Variants in GABRG3 observed in about 807,000 individuals in gnomAD.
GABRG3 encodes gamma-aminobutyric acid type A receptor subunit gamma3.
In GABRG3, 25 loss-of-function variants were observed where a neutral mutation model predicts 48.8. The observed-to-expected ratio is 0.51, with a 90% CI of 0.37 to 0.72. The LOEUF is 0.72. GABRG3 is among the 30% of genes least tolerant of loss of function. The pLI is 0.00. For synonymous variants in GABRG3, 227 were observed against 217.6 expected (o/e 1.04, Z -0.38); for missense variants, 394 against 577.9 (o/e 0.68, Z 3.26).
At chr15:27,519,432 G>T (rs377440525) in intron 6 of GABRG3, among the ~76,000 whole-genome samples, 69 of 152,014 alleles carry the variant, frequency 4.5e-4, no homozygotes, top group African/African-American at 1.6e-3. Flanking sequence ...TTAAGTCCTG[G>T]GTTACAAAAG....
At chr15:27,185,706 G>T (rs554144266) in intron 3 of GABRG3, among the ~76,000 whole-genome samples, 2 of 151,948 alleles carry the variant, frequency 1.3e-5, no homozygotes, top group Non-Finnish European at 2.9e-5. Context: ...CATGTATTTT[G>T]ATGCTTTTGT....
chr15:27,058,072 T>C (rs11852692), intron 3 of GABRG3, among the ~76,000 whole-genome samples: 24,418 of 152,138 alleles, frequency 0.16, 3,004 homozygotes, highest in African/African-American at 0.34. Flanking sequence ...GGTTGGGTGG[T>C]GAGGCTGCAT....
intron 3 of GABRG3, among the ~76,000 whole-genome samples, chr15:27,054,657 C>T (rs1174317395): frequency 6.6e-6 from 1 of 152,150 alleles, no homozygotes; most frequent in African/African-American, 2.4e-5. Flanking sequence ...AGCTGCAGAT[C>T]CGTCAGATGG....
chr15:27,018,303 A>T (rs1895815703), intron 2 of GABRG3, among the ~76,000 whole-genome samples: 2 of 152,166 alleles, frequency 1.3e-5, no homozygotes, highest in South Asian at 4.1e-4. Context: ...GGAAATTTAG[A>T]TCTGAGCTTT....
intron 3 of GABRG3, among the ~76,000 whole-genome samples, chr15:27,279,764 A>C (rs139283850): frequency 2.8e-4 from 43 of 152,270 alleles, no homozygotes; most frequent in African/African-American, 9.9e-4. Flanking sequence ...TTGCCTTTCT[A>C]TATAAATTTA....
chr15:27,386,188 GCA>G (rs765698415), intron 5 of GABRG3, among the ~76,000 whole-genome samples: 4 of 152,208 alleles, frequency 2.6e-5, no homozygotes, highest in South Asian at 4.2e-4. Context: ...CAGTGGATCA[GCA>G]CACTTTACTG....
chr15:26,999,401 A>ATACTTTTTTT (rs1320997476), intron 2 of GABRG3, among the ~76,000 whole-genome samples: 8 of 152,194 alleles, frequency 5.3e-5, no homozygotes, highest in Non-Finnish European at 1.2e-4. Context: ...AAGGATGGTT[A>ATACTTTTTTT]TACTTTAAGG....
intron 3 of GABRG3, among the ~76,000 whole-genome samples, chr15:27,322,736 T>C (rs1893473913): frequency 6.6e-6 from 1 of 152,162 alleles, no homozygotes; most frequent in Non-Finnish European, 1.5e-5. Flanking sequence ...GCCCTGGGGT[T>C]CTTCTACACG....
At chr15:27,351,099 G>T (rs1318732987) in intron 5 of GABRG3, among the ~76,000 whole-genome samples, 4 of 149,972 alleles carry the variant, frequency 2.7e-5, no homozygotes, top group African/African-American at 9.8e-5. Flanking sequence ...TGTGTATGGT[G>T]TGTGTGTATG....
intron 6 of GABRG3, among the ~76,000 whole-genome samples, chr15:27,515,364 G>T (rs1305052509): frequency 6.6e-6 from 1 of 152,092 alleles, no homozygotes; most frequent in African/African-American, 2.4e-5. Flanking sequence ...AAATTGCTGG[G>T]ATTACAGGTT....
intron 6 of GABRG3, among the ~76,000 whole-genome samples, chr15:27,508,632 TCCTTTCCATTTC>T (rs1890818313): frequency 6.6e-6 from 1 of 152,194 alleles, no homozygotes; most frequent in Non-Finnish European, 1.5e-5. Flanking sequence ...CTGAAGAACT[TCCTTTCCATTTC>T]TCGTTGATTA....
intron 3 of GABRG3, among the ~76,000 whole-genome samples, chr15:27,066,864 T>C (rs1896746224): frequency 6.6e-6 from 1 of 152,220 alleles, no homozygotes; most frequent in African/African-American, 2.4e-5. Context: ...GAATATCACA[T>C]AGATACACTG....
intron 4 of GABRG3, among the ~76,000 whole-genome samples, chr15:27,327,702 T>C (rs1204069796): frequency 6.6e-6 from 1 of 152,112 alleles, no homozygotes; most frequent in Admixed American, 6.5e-5. Context: ...CGGGTGGTGC[T>C]GCTCCAGAGG....
At chr15:27,143,734 T>C (rs1014059856) in intron 3 of GABRG3, among the ~76,000 whole-genome samples, 3 of 152,180 alleles carry the variant, frequency 2.0e-5, no homozygotes, top group Non-Finnish European at 4.4e-5. Flanking sequence ...TAAAATGTTA[T>C]ATGATTCACT....
At chr15:27,081,590 C>T (rs1239472326) in intron 3 of GABRG3, among the ~76,000 whole-genome samples, 1 of 152,130 alleles carries the variant, frequency 6.6e-6, no homozygotes, top group African/African-American at 2.4e-5. Context: ...GAGGCTGGCC[C>T]CAAATGGATG....
chr15:27,032,362 T>C (rs576869694), intron 3 of GABRG3, among the ~76,000 whole-genome samples: 2 of 152,310 alleles, frequency 1.3e-5, no homozygotes, highest in South Asian at 2.1e-4. Flanking sequence ...TTCTATTACT[T>C]GGTATGCCTG....
rs184619490 is a variant in GABRG3 at position 27,052,135 on chromosome 15, G to A, written c.270+25314G>A. Among the ~76,000 whole-genome samples, 17 of 152,314 alleles carry A rather than the reference G, an allele frequency of 1.1e-4. No homozygotes were observed. The East Asian group carries it at 1.4e-3, about 12-fold the overall frequency. ...ACTGATACCCGGCCACAGATCGGGC[G>A]TTGGGGCCCCCTGATCTAAGAGGAA... On this transcript the variant is annotated intron_variant, in intron 3 of 9. Transcript: ENST00000615808.
chr15:27,034,189 C>T (rs900250425), intron 3 of GABRG3, among the ~76,000 whole-genome samples: 1 of 152,146 alleles, frequency 6.6e-6, no homozygotes, highest in Non-Finnish European at 1.5e-5. Flanking sequence ...TTTCTATTCT[C>T]GAAAAGCATA....
intron 3 of GABRG3, among the ~76,000 whole-genome samples, chr15:27,259,590 C>T (rs980307737): frequency 6.6e-6 from 1 of 152,106 alleles, no homozygotes; most frequent in Non-Finnish European, 1.5e-5. Context: ...GTTCCCAGCT[C>T]CTCCACACCC....
Sources: gnomAD v4.1 joint callset for allele counts (sites outside exome capture counted in the v4.1 genomes callset) on GRCh38, gnomAD v4.1.1 for gene constraint, MANE v1.5 for transcripts, NCBI Gene and HGNC (gene_info 2026-07-23, HGNC 2026-07-21) for gene names.